DLGAP4: variants seen among roughly 807,000 people sequenced by gnomAD.
DLGAP4 encodes the protein disks large-associated protein 4.
A neutral mutation model predicts 86.9 loss-of-function variants in DLGAP4; 18 were observed. The observed-to-expected ratio is 0.21, with a 90% confidence interval of 0.14 to 0.31. The LOEUF is 0.31. Ranked by LOEUF, DLGAP4 falls within the 10% of genes least tolerant of loss-of-function variation. The probability of loss-of-function intolerance (pLI) is 1.00; values close to 1 mark genes in which losing one functional copy is unlikely to be tolerated. For missense variants in DLGAP4, 1,085 were observed against 1,362.6 expected, an observed-to-expected ratio of 0.80 and a Z score of 3.21; for synonymous variants, 548 against 574.3, an observed-to-expected ratio of 0.95 and a Z score of 0.65.
At chr20:36,470,630 A>G (rs1246089604) in intron 7 of DLGAP4, among the ~76,000 whole-genome samples, 1 of 151,978 alleles carries the variant, frequency 6.6e-6, no homozygotes, top group Non-Finnish European at 1.5e-5. Context: ...CCAGACACCT[A>G]ATCACTGTGA....
At chr20:36,394,038 T>C (rs2031867809) in intron 2 of DLGAP4, among the ~76,000 whole-genome samples, 1 of 152,218 alleles carries the variant, frequency 6.6e-6, no homozygotes, top group South Asian at 2.1e-4. Context: ...GTGAATCTTT[T>C]TCCAGCCTCA....
rs1404915455 is a variant in DLGAP4 at position 36,431,160 on chromosome 20, G to T, written c.-72-486G>T. On this transcript the variant is annotated intron_variant, in intron 2 of 12. Coordinates refer to ENST00000339266, the MANE Select transcript of DLGAP4 (RefSeq NM_001365621.2). This position sits in a 1 kb window ranked among gnomAD's most constrained non-coding sequence, Gnocchi z 5.1. ...AGGGCCAGCACAGGGTCCTCCCGTG[G>T]GAGGTGGACCCTGCCACAGGGACCA... is the stretch of plus-strand genomic sequence containing the variant. Among the ~76,000 whole-genome samples, 1 of 122,248 alleles carries T rather than the reference G, an allele frequency of 8.2e-6. No homozygotes were observed. The highest frequency in any genetic ancestry group is 2.4e-4 in the East Asian group (1 of 4,160). 80.2% of individuals were successfully genotyped at this position (122,248 alleles called of 152,430 possible). A position where few individuals can be genotyped will look rare whatever the true frequency, so the allele number is the denominator to read the frequency against.
At chr20:36,433,597 G>A (rs964120377) in intron 3 of DLGAP4, among the ~76,000 whole-genome samples, 2 of 152,150 alleles carry the variant, frequency 1.3e-5, no homozygotes, top group African/African-American at 4.8e-5. Context: ...CTCATCTCAG[G>A]GGGAATGCAA....
At chr20:36,426,630 T>A (rs1416749837) in intron 2 of DLGAP4, among the ~76,000 whole-genome samples, 1 of 152,158 alleles carries the variant, frequency 6.6e-6, no homozygotes, top group Non-Finnish European at 1.5e-5. Context: ...GGAATGGTTT[T>A]GGAAATAGAT....
intron 7 of DLGAP4, among the ~76,000 whole-genome samples, chr20:36,494,669 T>A (rs2035805120): frequency 6.6e-6 from 1 of 152,170 alleles, no homozygotes; most frequent in South Asian, 2.1e-4. Context: ...ATCCCCACAC[T>A]CAATACAGGA....
At chr20:36,314,369 T>TGTGGAGGGAGTGTGAAG (rs2065079655) in intron 1 of DLGAP4, among the ~76,000 whole-genome samples, 1 of 22 alleles carries the variant, frequency 0.045, no homozygotes, top group African/African-American at 0.1. Flanking sequence ...GGTGTGTGTG[T>TGTGGAGGGAGTGTGAAG]GGNNNNNNNN....
chr20:36,526,803 C>T lies in DLGAP4; in HGVS notation c.2761-10C>T, dbSNP rs1243206001. ...TTTATTTTTGTTCTCTCCTCACTGT[C>T]TCACTAAAGGAAGAGAAGAAACCAC... On this transcript the variant is annotated splice_polypyrimidine_tract_variant and intron_variant, in intron 12 of 12. Coordinates refer to ENST00000339266, the MANE Select transcript of DLGAP4 (RefSeq NM_001365621.2). The T allele has an allele frequency of 1.3e-6, 2 of 1,589,560 alleles. No homozygotes were observed. The highest frequency in any genetic ancestry group is 1.4e-5 in the African/African-American group (1 of 73,652).
chr20:36,447,899 G>T (rs937363382), intron 7 of DLGAP4, among the ~76,000 whole-genome samples: 2 of 114,628 alleles, frequency 1.7e-5, no homozygotes, highest in Non-Finnish European at 3.9e-5. Context: ...CTATCAGGGG[G>T]GTGGGGGGGG....
chr20:36,376,330 G>T (rs1466475684), intron 2 of DLGAP4, among the ~76,000 whole-genome samples: 1 of 152,126 alleles, frequency 6.6e-6, no homozygotes, highest in East Asian at 1.9e-4. Context: ...AATTAGCTGG[G>T]TGCAGTGGCA....
At chr20:36,333,510 G>T (rs1352082487) in intron 1 of DLGAP4, among the ~76,000 whole-genome samples, 1 of 152,130 alleles carries the variant, frequency 6.6e-6, no homozygotes, top group Admixed American at 6.5e-5. Flanking sequence ...CTCCCTGGGT[G>T]GTCATGGCTG....
chr20:36,404,941 T>C (rs566620995), intron 2 of DLGAP4, among the ~76,000 whole-genome samples: 1 of 152,118 alleles, frequency 6.6e-6, no homozygotes, highest in East Asian at 1.9e-4. Context: ...GAGGGGGTAG[T>C]TGAGGAGCGG....
chr20:36,330,386 A>G (rs961707673), intron 1 of DLGAP4, among the ~76,000 whole-genome samples: 2 of 151,870 alleles, frequency 1.3e-5, no homozygotes, highest in African/African-American at 4.8e-5. Context: ...CTCTGAGTGG[A>G]GATTATGGAG....
intron 1 of DLGAP4, among the ~76,000 whole-genome samples, chr20:36,365,153 A>C (rs2030640915): frequency 6.6e-6 from 1 of 152,230 alleles, no homozygotes; most frequent in Admixed American, 6.5e-5. Flanking sequence ...CCGTTCTGTC[A>C]GCAAGGAAGA....
rs573951105 is a variant in DLGAP4 at position 36,309,091 on chromosome 20, T to C, written c.-304+2579T>C. Among the ~76,000 whole-genome samples the C allele has an allele frequency of 1.1e-4, 16 of 152,148 alleles. 1 individual carries two copies. In the South Asian group the frequency reaches 3.3e-3, roughly 32 times the overall value. ...CCAGCTTCAGGGTCTTCACACATGC[T>C]GGCTCCTCTGCCTGAACATCCCCAG... On this transcript the variant is annotated intron_variant, in intron 1 of 12. Coordinates refer to ENST00000339266, the MANE Select transcript of DLGAP4 (RefSeq NM_001365621.2).
chr20:36,397,383 AG>A (rs1196571063), intron 2 of DLGAP4, among the ~76,000 whole-genome samples: 5 of 152,214 alleles, frequency 3.3e-5, no homozygotes, highest in African/African-American at 4.8e-5. Context: ...ATTCACTAAC[AG>A]CCCTTCCGTG....
chr20:36,341,596 CACAGGCCTTGCTGA>C (rs1260745833), intron 1 of DLGAP4, among the ~76,000 whole-genome samples: 1 of 152,224 alleles, frequency 6.6e-6, no homozygotes, highest in African/African-American at 2.4e-5. Context: ...TGCAGGGGGC[CACAGGCCTTGCTGA>C]AGGGCACGCG....
At position 36,527,070 on chromosome 20, in the gene DLGAP4, A is replaced by C; in HGVS notation, c.*39A>C. 1 of 1,549,318 alleles carries C rather than the reference A, an allele frequency of 6.5e-7. No homozygotes were observed. The highest frequency in any genetic ancestry group is 8.7e-7 in the Non-Finnish European group (1 of 1,143,316). ...GAAAGAAACGATTTTAAATCATTAAAAACACAAAAACTAAGTGCGAACGGA... is the reference window on the plus strand; with the variant it reads ...GAAAGAAACGATTTTAAATCATTAACAACACAAAAACTAAGTGCGAACGGA... On this transcript the variant is annotated 3_prime_UTR_variant, in exon 13 of 13. Transcript: ENST00000339266.
rs1350875082 is a variant in DLGAP4 at position 36,393,565 on chromosome 20, G to A, written c.-73+26290G>A. ...TGAGGTCTCCACACCGAGCCCCTGG[G>A]GAGCACAGGGAAGCGAGCCAGCCGC... On this transcript the variant is annotated intron_variant, in intron 2 of 12. Coordinates refer to ENST00000339266, the MANE Select transcript of DLGAP4 (RefSeq NM_001365621.2). This position sits in a 1 kb window ranked among gnomAD's most constrained non-coding sequence, Gnocchi z 4.4. 6.6e-6 allele frequency among the ~76,000 whole-genome samples: 1 copy of A among 152,122 alleles called. No homozygotes were observed. The highest frequency in any genetic ancestry group is 1.5e-5 in the Non-Finnish European group (1 of 68,014).
chr20:36,412,483 G>A (rs1021499835), intron 2 of DLGAP4, among the ~76,000 whole-genome samples: 3 of 152,242 alleles, frequency 2.0e-5, no homozygotes, highest in Non-Finnish European at 4.4e-5. Context: ...AGCACAGGAA[G>A]CTCATTAGTG....
Sources: gnomAD v4.1 joint callset for allele counts (sites outside exome capture counted in the v4.1 genomes callset) on GRCh38, gnomAD v4.1.1 for gene constraint, Gnocchi (gnomAD v3.1) non-coding constraint, MANE v1.5 for transcripts, NCBI Gene and HGNC (gene_info 2026-07-23, HGNC 2026-07-21) for gene names.